Variants in PUS7 observed in about 807,000 individuals in gnomAD.
The protein encoded by PUS7 is pseudouridine synthase 7, also known as pseudouridylate synthase 7 homolog.
PUS7 carries 48 observed loss-of-function variants against 79.8 expected under a neutral mutation model. That is an observed-to-expected ratio of 0.60 (90% CI 0.48 to 0.76). The LOEUF is 0.76. Among genes scored for constraint, PUS7 ranks in the 30% least tolerant of loss-of-function variants. The pLI, the probability that PUS7 is intolerant of heterozygous loss-of-function variation, is 0.00. For missense variants in PUS7, 729 were observed against 797.6 expected, an observed-to-expected ratio of 0.91 and a Z score of 1.04; for synonymous variants, 286 against 272.2, an observed-to-expected ratio of 1.05 and a Z score of -0.50.
At chr7:105,470,950 T>G in intron 10 of PUS7, 102 bp from the exon 11 acceptor site, 1 of 1,294,422 alleles carries the variant, frequency 7.7e-7, no homozygotes, top group Non-Finnish European at 1.0e-6. Context: ...AAATGCTACT[T>G]GAAATATAGG....
At chr7:105,494,495 T>C (rs535761424) in intron 6 of PUS7, among the ~76,000 whole-genome samples, 13 of 147,502 alleles carry the variant, frequency 8.8e-5, no homozygotes, top group Non-Finnish European at 1.8e-4. Context: ...CCGCAACCTC[T>C]GCTTCCCAGG....
intron 7 of PUS7, among the ~76,000 whole-genome samples, chr7:105,485,034 T>C (rs1485331588): frequency 6.6e-6 from 1 of 150,832 alleles, no homozygotes; most frequent in African/African-American, 2.4e-5. Flanking sequence ...GGCCAATTTT[T>C]ATATTTTTAG....
chr7:105,508,133 G>C lies in PUS7; in HGVS notation c.380C>G (p.Ser127Trp). The C allele has an allele frequency of 6.2e-7, 1 of 1,612,064 alleles. No individual in the cohort carries two copies. Among genetic ancestry groups the C allele is most frequent in the Non-Finnish European group, 8.5e-7 (1 of 1,178,838 alleles). Reference protein sequence around the residue: ...TKFVSSHQGFSGILKERYSDF... With the variant: ...TKFVSSHQGFWGILKERYSDF... Reference sequence around the variant, plus strand: ...AATGTACCTTTCTTTTAAGATTCCCGAGAACCCTTGATGAGAACTCACAAA... The same window carrying C: ...AATGTACCTTTCTTTTAAGATTCCCCAGAACCCTTGATGAGAACTCACAAA... Residue 127 changes from serine to tryptophan, a missense_variant, in exon 2 of 16, where the codon TCG becomes TGG. Ser to Trp is a radical substitution (Grantham distance 177, BLOSUM62 -3). Transcript: ENST00000469408.
intron 6 of PUS7, among the ~76,000 whole-genome samples, chr7:105,493,125 C>T (rs541862704): frequency 1.3e-5 from 2 of 152,268 alleles, no homozygotes; most frequent in East Asian, 3.9e-4. Flanking sequence ...ATATAATGTA[C>T]CACTATGAAA....
At chr7:105,460,075 A>C (rs964583734) in intron 14 of PUS7, among the ~76,000 whole-genome samples, 10 of 152,074 alleles carry the variant, frequency 6.6e-5, no homozygotes, top group African/African-American at 2.4e-4. Context: ...AGTAGCTGGG[A>C]CTACAGGCGC....
chr7:105,471,927 A>G (rs1389115737), intron 10 of PUS7, among the ~76,000 whole-genome samples: 1 of 151,592 alleles, frequency 6.6e-6, no homozygotes, highest in African/African-American at 2.4e-5. Flanking sequence ...AAAAAAAAAA[A>G]AGCTAAAATA....
intron 14 of PUS7, among the ~76,000 whole-genome samples, chr7:105,460,672 G>A (rs902595713): frequency 6.6e-6 from 1 of 151,326 alleles, no homozygotes; most frequent in African/African-American, 2.4e-5. Flanking sequence ...GGCTAACAAG[G>A]TGAAACCCCG....
At chr7:105,509,932 C>CA (rs1274396543) in intron 1 of PUS7, among the ~76,000 whole-genome samples, 1 of 152,172 alleles carries the variant, frequency 6.6e-6, no homozygotes, top group Admixed American at 6.6e-5. Flanking sequence ...GGGAAATTTG[C>CA]TGTTCTCACT....
chr7:105,509,184 C>CGAAAAAAAAA (rs1825605462), intron 1 of PUS7, among the ~76,000 whole-genome samples: 1 of 55,718 alleles, frequency 1.8e-5, no homozygotes, highest in African/African-American at 8.9e-5. Context: ...GACTCCATCT[C>CGAAAAAAAAA]AAAAAAAAAA....
chr7:105,458,596 G>A (rs1297661132), intron 15 of PUS7, among the ~76,000 whole-genome samples: 2 of 126,332 alleles, frequency 1.6e-5, no homozygotes, highest in Admixed American at 8.5e-5. Context: ...TTTTTGAGAT[G>A]GAGTCTCGTT....
At chr7:105,461,468 G>A (rs540577451) in intron 14 of PUS7, among the ~76,000 whole-genome samples, 45 of 152,144 alleles carry the variant, frequency 3.0e-4, no homozygotes, top group African/African-American at 1.0e-3. Context: ...CAATCCTCCC[G>A]CTTCAGCCTC....
intron 7 of PUS7, among the ~76,000 whole-genome samples, chr7:105,482,741 TCTA>T (rs1243255547): frequency 6.6e-6 from 1 of 152,194 alleles, no homozygotes; most frequent in African/African-American, 2.4e-5. Context: ...TGTGGAATTT[TCTA>T]CTTTTTGTGG....
At chr7:105,519,985 G>A (rs567425854) in intron 1 of PUS7, among the ~76,000 whole-genome samples, 1 of 152,166 alleles carries the variant, frequency 6.6e-6, no homozygotes, top group Non-Finnish European at 1.5e-5. Flanking sequence ...AAGGAAAAAC[G>A]CTGCTTCATT....
At chr7:105,461,615 C>T (rs148040299) in intron 14 of PUS7, among the ~76,000 whole-genome samples, 195 of 152,288 alleles carry the variant, frequency 1.3e-3, no homozygotes, top group African/African-American at 4.4e-3. Context: ...ACTTATGAAA[C>T]ACTTAGATGC....
intron 1 of PUS7, among the ~76,000 whole-genome samples, chr7:105,516,809 GA>G (rs1562825405): frequency 1.3e-5 from 2 of 152,000 alleles, no homozygotes; most frequent in African/African-American, 2.4e-5. Flanking sequence ...GTGATCTTAT[GA>G]ACATAGAAGA....
At chr7:105,465,438 A>C (rs1227963626) in intron 12 of PUS7, 24 bp from the exon 13 acceptor site, 1 of 1,491,908 alleles carries the variant, frequency 6.7e-7, no homozygotes, top group Admixed American at 1.7e-5. Flanking sequence ...AGTGAACAAT[A>C]AATTAAGAAA....
chr7:105,499,159 A>C (rs1327070397), intron 5 of PUS7, among the ~76,000 whole-genome samples: 1 of 152,238 alleles, frequency 6.6e-6, no homozygotes, highest in African/African-American at 2.4e-5. Flanking sequence ...CCATGTTGCT[A>C]AACTGATAGA....
chr7:105,510,367 C>CT (rs2133265893), intron 1 of PUS7, among the ~76,000 whole-genome samples: 1 of 151,988 alleles, frequency 6.6e-6, no homozygotes, highest in East Asian at 1.9e-4. Context: ...AAAGCCATAC[C>CT]TATGTCATAC....
chr7:105,503,683 A>C (rs931460171), intron 4 of PUS7, among the ~76,000 whole-genome samples: 2 of 152,162 alleles, frequency 1.3e-5, no homozygotes, highest in African/African-American at 4.8e-5. Context: ...CCCAGGCTGG[A>C]GTGCAGTGAT....
Sources: allele counts gnomAD v4.1 joint callset (sites outside exome capture counted in the v4.1 genomes callset), GRCh38; gene constraint gnomAD v4.1.1; transcripts MANE v1.5; gene names NCBI Gene and HGNC (gene_info 2026-07-23, HGNC 2026-07-21).